The following THSD7B variants were observed in gnomAD, a reference collection of about 807,000 sequenced individuals.
The protein encoded by THSD7B is thrombospondin type 1 domain containing 7B, also known as thrombospondin type-1 domain-containing protein 7B.
Under a neutral mutation model 213.6 loss-of-function variants are expected in THSD7B, and 138 were observed. The observed-to-expected ratio is 0.65, with a 90% CI of 0.56 to 0.74. The LOEUF (loss-of-function observed/expected upper bound fraction) is 0.74, where lower values mean the gene tolerates loss of function less well. Among genes scored for constraint, THSD7B ranks in the 30% least tolerant of loss-of-function variants. The pLI, the probability that THSD7B is intolerant of heterozygous loss-of-function variation, is 0.00. For synonymous variants in THSD7B, 742 were observed against 687.0 expected, an observed-to-expected ratio of 1.08 and a Z score of -1.25; for missense variants, 1,931 against 1,991.5, an observed-to-expected ratio of 0.97 and a Z score of 0.58.
intron 2 of THSD7B, among the ~76,000 whole-genome samples, chr2:137,014,625 A>G (rs958233909): frequency 1.3e-5 from 2 of 152,166 alleles, no homozygotes; most frequent in Non-Finnish European, 2.9e-5. Context: ...CAGGAGCCCC[A>G]ATTCAGGCTG....
In THSD7B at chr2:137,426,777, G is replaced by A. The variant is rs369856908; in HGVS notation, c.2959+14905G>A. ...TTTGGATATGACGCCAAAAATACCA[G>A]CAACAAAAACAAAAATAAGTGACCA... On this transcript the variant is annotated intron_variant, in intron 14 of 27. Transcript: ENST00000409968. Among the ~76,000 whole-genome samples, 16 of 152,092 alleles carry A rather than the reference G, an allele frequency of 1.1e-4. 1 individual carries two copies. The South Asian group carries it at 3.1e-3, about 30-fold the overall frequency.
At chr2:137,547,871 T>C (rs1265989616) in intron 15 of THSD7B, among the ~76,000 whole-genome samples, 1 of 151,946 alleles carries the variant, frequency 6.6e-6, no homozygotes, top group Non-Finnish European at 1.5e-5. Context: ...GGCCCGTAGC[T>C]CTCACTGCAT....
chr2:137,313,646 G>A (rs1015276143), intron 12 of THSD7B, among the ~76,000 whole-genome samples: 1 of 151,894 alleles, frequency 6.6e-6, no homozygotes, highest in Non-Finnish European at 1.5e-5. Flanking sequence ...GGCTGGTACT[G>A]GTTGTTCCTT....
chr2:137,117,116 A>T (rs903118602), intron 5 of THSD7B, among the ~76,000 whole-genome samples: 1 of 152,190 alleles, frequency 6.6e-6, no homozygotes, highest in Non-Finnish European at 1.5e-5. Context: ...GCTGCCATAA[A>T]GGCACTGTAT....
At chr2:136,962,846 C>A (rs1329001813) in intron 2 of THSD7B, among the ~76,000 whole-genome samples, 2 of 152,138 alleles carry the variant, frequency 1.3e-5, no homozygotes, top group Admixed American at 6.5e-5. Context: ...TTTGTGGGGT[C>A]TTTAAATTTT....
chr2:136,787,293 A>G (rs1297975270), intron 1 of THSD7B, among the ~76,000 whole-genome samples: 1 of 152,066 alleles, frequency 6.6e-6, no homozygotes, highest in Non-Finnish European at 1.5e-5. Context: ...TCTGTATAGT[A>G]TACTTTTGAT....
intron 15 of THSD7B, among the ~76,000 whole-genome samples, chr2:137,473,762 G>T (rs1435133462): frequency 1.3e-5 from 2 of 152,132 alleles, no homozygotes; most frequent in African/African-American, 4.8e-5. Context: ...ATGTCTGAGA[G>T]GTTTTTAAAA....
intron 1 of THSD7B, among the ~76,000 whole-genome samples, chr2:136,803,191 ATTTG>A (rs971691622): frequency 2.6e-4 from 39 of 152,188 alleles, no homozygotes; most frequent in African/African-American, 9.4e-4. Context: ...AAGACTGTTT[ATTTG>A]TTCTGTCCAA....
intron 3 of THSD7B, among the ~76,000 whole-genome samples, chr2:137,092,824 G>A (rs890699569): frequency 6.6e-6 from 1 of 152,128 alleles, no homozygotes; most frequent in African/African-American, 2.4e-5. Context: ...TTTTAGTAGA[G>A]ACAAGGTTTC....
chr2:137,452,179 T>A (rs1009166556), intron 15 of THSD7B: 6 of 215,928 alleles, frequency 2.8e-5, no homozygotes, highest in Non-Finnish European at 4.8e-5. Context: ...AGAGCATAGT[T>A]ATTATGCTAG....
At chr2:136,776,241 T>G (rs1681600944) in intron 1 of THSD7B, among the ~76,000 whole-genome samples, 1 of 152,158 alleles carries the variant, frequency 6.6e-6, no homozygotes, top group African/African-American at 2.4e-5. Flanking sequence ...TTTCCCAGCA[T>G]TGTTTGGATT....
At chr2:137,342,491 G>A (rs998847003) in intron 12 of THSD7B, among the ~76,000 whole-genome samples, 7 of 151,348 alleles carry the variant, frequency 4.6e-5, no homozygotes, top group African/African-American at 1.5e-4. Flanking sequence ...TTCCTATGTC[G>A]ATGCCTTTTA....
At chr2:137,260,288 C>A (rs932257275) in intron 10 of THSD7B, among the ~76,000 whole-genome samples, 1 of 151,920 alleles carries the variant, frequency 6.6e-6, no homozygotes, top group Non-Finnish European at 1.5e-5. Context: ...GAGTTATTGT[C>A]TTTTAAATAT....
intron 1 of THSD7B, among the ~76,000 whole-genome samples, chr2:136,802,499 G>A (rs1682201146): frequency 6.6e-6 from 1 of 151,260 alleles, no homozygotes; most frequent in Admixed American, 6.6e-5. Flanking sequence ...CCCCAAGTTG[G>A]CCCTCCTGAG....
chr2:136,882,155 T>A lies in THSD7B; in HGVS notation c.-24T>A, dbSNP rs77116005. 5.4e-4 allele frequency: 815 copies of A among 1,500,244 alleles called. 13 individuals are homozygous for A. The East Asian group carries it at 0.02, about 37-fold the overall frequency. The allele number at this position is 1,500,244 out of a possible 1,614,324, so 92.9% of individuals were successfully genotyped here. A position where few individuals can be genotyped will look rare whatever the true frequency, so the allele number is the denominator to read the frequency against. ...TTTTTCTCTTTTAGGAATAGGCAAG[T>A]CAAGAGGCTGAAAAATCTGAAGCAT... On this transcript the variant is annotated 5_prime_UTR_variant, in exon 2 of 28. Transcript: ENST00000409968.
intron 12 of THSD7B, among the ~76,000 whole-genome samples, chr2:137,323,780 A>C (rs76183133): frequency 6.6e-6 from 1 of 152,194 alleles, no homozygotes; most frequent in Non-Finnish European, 1.5e-5. Flanking sequence ...GAAAGATATT[A>C]ATTCCATAAA....
intron 15 of THSD7B, among the ~76,000 whole-genome samples, chr2:137,511,029 A>G (rs1339677307): frequency 6.6e-6 from 1 of 152,022 alleles, no homozygotes; most frequent in Admixed American, 6.6e-5. Flanking sequence ...CTTTCTCTCT[A>G]TCTTCTGTGA....
intron 1 of THSD7B, among the ~76,000 whole-genome samples, chr2:136,801,671 A>G (rs1342945327): frequency 6.6e-6 from 1 of 152,078 alleles, no homozygotes; most frequent in Non-Finnish European, 1.5e-5. Context: ...AAGAGGCTGT[A>G]ACAAGTATAA....
At chr2:136,853,996 T>C (rs1683138140) in intron 1 of THSD7B, among the ~76,000 whole-genome samples, 1 of 152,170 alleles carries the variant, frequency 6.6e-6, no homozygotes, top group African/African-American at 2.4e-5. Context: ...CTTTGAGTGT[T>C]TTCTTACTTT....
Sources: allele counts gnomAD v4.1 joint callset (sites outside exome capture counted in the v4.1 genomes callset), GRCh38; gene constraint gnomAD v4.1.1; transcripts MANE v1.5; gene names NCBI Gene and HGNC (gene_info 2026-07-23, HGNC 2026-07-21).